CNOT2: variants seen among roughly 807,000 people sequenced by gnomAD.
CNOT2 encodes CCR4-NOT transcription complex subunit 2, also known as CC chemokine receptor 4-negative regulator of transcription 2.
In CNOT2, 7 loss-of-function variants were observed where a neutral mutation model predicts 72.1. The ratio of observed to expected loss-of-function variants is 0.10; its 90% CI spans 0.06 to 0.18. The LOEUF (loss-of-function observed/expected upper bound fraction) is 0.18. Among genes scored for constraint, CNOT2 ranks in the 10% least tolerant of loss-of-function variants. CNOT2 has a pLI of 1.00. For missense variants in CNOT2, 345 were observed against 660.3 expected (o/e 0.52, Z 5.23); for synonymous variants, 196 against 225.6 (o/e 0.87, Z 1.17).
intron 2 of CNOT2, among the ~76,000 whole-genome samples, chr12:70,306,655 G>T (rs1203036466): frequency 1.3e-5 from 2 of 152,032 alleles, no homozygotes; most frequent in East Asian, 1.9e-4. Flanking sequence ...GTAAAAAGGT[G>T]GTCACTTAAC....
chr12:70,251,325 G>T (rs1050945789), intron 1 of CNOT2, among the ~76,000 whole-genome samples: 5 of 152,096 alleles, frequency 3.3e-5, no homozygotes, highest in African/African-American at 1.2e-4. Flanking sequence ...GGGTTCTGAA[G>T]GGTGATTTGT....
intron 4 of CNOT2, chr12:70,323,715 T>C (rs1489246107): frequency 6.6e-6 from 1 of 151,764 alleles, no homozygotes; most frequent in East Asian, 1.9e-4. Context: ...AGAAGTACAG[T>C]CTTCACATTT....
chr12:70,263,048 A>G (rs1332484310), intron 1 of CNOT2, among the ~76,000 whole-genome samples: 2 of 152,162 alleles, frequency 1.3e-5, no homozygotes, highest in Non-Finnish European at 2.9e-5. Flanking sequence ...ATTGTTTTGA[A>G]TATGTCATCC....
At chr12:70,315,603 G>A (rs763109439) in intron 3 of CNOT2, among the ~76,000 whole-genome samples, 2 of 152,068 alleles carry the variant, frequency 1.3e-5, no homozygotes, top group Non-Finnish European at 2.9e-5. Flanking sequence ...GTATATTAAA[G>A]GATAAAGAAG....
intron 3 of CNOT2, among the ~76,000 whole-genome samples, chr12:70,313,578 G>C (rs1876834111): frequency 6.6e-6 from 1 of 151,662 alleles, no homozygotes; most frequent in African/African-American, 2.4e-5. Context: ...TTATCCAATT[G>C]CACCGACACC....
At chr12:70,245,348 T>C (rs1957832498) in intron 1 of CNOT2, among the ~76,000 whole-genome samples, 1 of 152,218 alleles carries the variant, frequency 6.6e-6, no homozygotes, top group Admixed American at 6.5e-5. Flanking sequence ...TTTTCTCTCA[T>C]ATTTTCTGAG....
Position 70,354,101 on chromosome 12 carries a change from C to A in CNOT2, c.*186C>A. 1.9e-6 allele frequency: 2 copies of A among 1,067,610 alleles called. No homozygotes were observed. Among genetic ancestry groups the A allele is most frequent in the Non-Finnish European group, 2.5e-6 (2 of 808,962 alleles). 66.1% of individuals were successfully genotyped at this position (1,067,610 alleles called of 1,614,324 possible). On this transcript the variant is annotated 3_prime_UTR_variant, in exon 16 of 16. Coordinates refer to ENST00000229195, the MANE Select transcript of CNOT2 (RefSeq NM_014515.7). Reference sequence around the variant, plus strand: ...CCTGCCTTACTAATTATGTGCTGCCCAACAACTAAATTTGTAATTTGTTTT... The same window carrying A: ...CCTGCCTTACTAATTATGTGCTGCCAAACAACTAAATTTGTAATTTGTTTT...
intron 1 of CNOT2, among the ~76,000 whole-genome samples, chr12:70,255,669 G>A (rs781073783): frequency 3.9e-5 from 6 of 152,012 alleles, no homozygotes; most frequent in Non-Finnish European, 5.9e-5. Flanking sequence ...TTATTTAATC[G>A]TGTACTGTAA....
intron 4 of CNOT2, chr12:70,323,186 T>C (rs1878563499): frequency 6.6e-6 from 1 of 151,764 alleles, no homozygotes; most frequent in South Asian, 2.1e-4. Flanking sequence ...TGTGCCATTC[T>C]AGATACTGCA....
At position 70,342,048 on chromosome 12, in the gene CNOT2, A is replaced by G. The variant is rs931528723; in HGVS notation, c.1179-59A>G. Reference sequence around the variant, plus strand: ...AGTTGGAGTCTTTGTTTTTCCTGAAATAAAATTAGAAATCTCTTTTTCTGG... The same window carrying G: ...AGTTGGAGTCTTTGTTTTTCCTGAAGTAAAATTAGAAATCTCTTTTTCTGG... On this transcript the variant is annotated intron_variant, in intron 11 of 15. Transcript: ENST00000229195. 32 of 1,068,200 alleles carry G rather than the reference A, an allele frequency of 3.0e-5. No individual in the cohort carries two copies. The Admixed American group carries it at 5.5e-4, about 18-fold the overall frequency. The allele number at this position is 1,068,200 out of a possible 1,614,324, so 66.2% of individuals were successfully genotyped here.
intron 14 of CNOT2, chr12:70,344,502 C>G (rs1881915956): frequency 3.3e-6 from 1 of 304,548 alleles, no homozygotes; most frequent in Admixed American, 4.8e-5. Flanking sequence ...GTGGACAGAT[C>G]ACTTGAGGCC....
At chr12:70,271,668 C>T (rs997762795) in intron 1 of CNOT2, among the ~76,000 whole-genome samples, 1 of 152,016 alleles carries the variant, frequency 6.6e-6, no homozygotes, top group South Asian at 2.1e-4. Context: ...CCACTGTGCC[C>T]GACCAGCATT....
chr12:70,271,562 T>TG (rs1297398881), intron 1 of CNOT2, among the ~76,000 whole-genome samples: 1 of 151,762 alleles, frequency 6.6e-6, no homozygotes, highest in Non-Finnish European at 1.5e-5. Flanking sequence ...TTAGTAGAGA[T>TG]GGGGTGTGCC....
At chr12:70,341,366 A>C (rs1220429941) in intron 11 of CNOT2, among the ~76,000 whole-genome samples, 3 of 152,142 alleles carry the variant, frequency 2.0e-5, no homozygotes, top group African/African-American at 7.2e-5. Flanking sequence ...CTCAGACTAG[A>C]AGAGTCTTCT....
At chr12:70,246,074 A>C (rs74716820) in intron 1 of CNOT2, among the ~76,000 whole-genome samples, 22,041 of 152,192 alleles carry the variant, frequency 0.14, 1,937 homozygotes, top group Admixed American at 0.28. Context: ...CTTACTTCAT[A>C]AGATTTTCTG....
At chr12:70,255,436 T>C (rs1958391527) in intron 1 of CNOT2, among the ~76,000 whole-genome samples, 1 of 152,190 alleles carries the variant, frequency 6.6e-6, no homozygotes, top group African/African-American at 2.4e-5. Flanking sequence ...CCCTTAAATC[T>C]GTAAGATCTC....
intron 15 of CNOT2, 163 bp downstream of exon 15, chr12:70,346,487 C>A: frequency 2.0e-6 from 1 of 492,794 alleles, no homozygotes; most frequent in Non-Finnish European, 3.5e-6. Context: ...AGAAGAGTGT[C>A]CCAAAACAAT....
At chr12:70,346,838 A>C (rs1044055210) in intron 15 of CNOT2, among the ~76,000 whole-genome samples, 1 of 152,126 alleles carries the variant, frequency 6.6e-6, no homozygotes, top group Non-Finnish European at 1.5e-5. Context: ...GCTATGGAGA[A>C]ATGTTGATTA....
intron 9 of CNOT2, 179 bp downstream of exon 9, chr12:70,337,692 T>G (rs1431113806): frequency 5.7e-6 from 4 of 700,482 alleles, no homozygotes; most frequent in Admixed American, 2.3e-5. Flanking sequence ...ATTTTTTTCC[T>G]ATTTCATATA....
Sources: gnomAD v4.1 joint callset for allele counts (sites outside exome capture counted in the v4.1 genomes callset) on GRCh38, gnomAD v4.1.1 for gene constraint, MANE v1.5 for transcripts, NCBI Gene and HGNC (gene_info 2026-07-23, HGNC 2026-07-21) for gene names.